The following SGCZ variants were observed in gnomAD, a reference collection of about 807,000 sequenced individuals.
SGCZ encodes zeta-sarcoglycan.
In SGCZ, 40 loss-of-function variants were observed where a neutral mutation model predicts 41.3. The observed-to-expected ratio is 0.97, with a 90% CI of 0.75 to 1.26. The LOEUF is 1.26. SGCZ is among the 50% of genes most tolerant of loss of function. The probability of loss-of-function intolerance (pLI) is 0.00; values close to 1 mark genes in which losing one functional copy is unlikely to be tolerated. For missense variants in SGCZ, 552 were observed against 369.8 expected (o/e 1.49, Z -4.04); for synonymous variants, 206 against 137.5 (o/e 1.50, Z -3.49).
chr8:14,268,155 A>G (rs2117255391), intron 3 of SGCZ, among the ~76,000 whole-genome samples: 1 of 150,368 alleles, frequency 6.7e-6, no homozygotes, highest in Admixed American at 6.7e-5. Context: ...ATATAGTGAG[A>G]AAAACAGAAA....
At chr8:14,660,589 AAGAG>A (rs1554475184) in intron 1 of SGCZ, among the ~76,000 whole-genome samples, 1 of 150,996 alleles carries the variant, frequency 6.6e-6, no homozygotes, top group Non-Finnish European at 1.5e-5. Flanking sequence ...AAAAAAAAAA[AAGAG>A]AGAAAAGAAA....
chr8:14,354,413 T>C (rs1265643061), intron 2 of SGCZ, among the ~76,000 whole-genome samples: 1 of 151,896 alleles, frequency 6.6e-6, no homozygotes, highest in Non-Finnish European at 1.5e-5. Context: ...TCGATGTGAA[T>C]ATAGTAAGAT....
chr8:14,656,841 A>T (rs1382913500), intron 1 of SGCZ, among the ~76,000 whole-genome samples: 1 of 152,028 alleles, frequency 6.6e-6, no homozygotes, highest in Non-Finnish European at 1.5e-5. Flanking sequence ...CAGCAAAGAA[A>T]TATGACTTAC....
chr8:14,463,047 T>A (rs1800947519), intron 2 of SGCZ, among the ~76,000 whole-genome samples: 1 of 151,936 alleles, frequency 6.6e-6, no homozygotes, highest in Non-Finnish European at 1.5e-5. Flanking sequence ...TTCTGCTACT[T>A]TGCTGAATAG....
intron 4 of SGCZ, among the ~76,000 whole-genome samples, chr8:14,192,821 T>G (rs1805146812): frequency 6.6e-6 from 1 of 152,088 alleles, no homozygotes; most frequent in Admixed American, 6.6e-5. Flanking sequence ...AAAATTAAAT[T>G]ATTATGGAGA....
intron 2 of SGCZ, among the ~76,000 whole-genome samples, chr8:14,550,543 ACTG>A (rs1429363979): frequency 2.0e-5 from 3 of 151,926 alleles, no homozygotes; most frequent in South Asian, 2.1e-4. Flanking sequence ...TGGCTGTACT[ACTG>A]CTATGTGTGG....
chr8:14,210,895 G>A (rs1433240363), intron 4 of SGCZ, among the ~76,000 whole-genome samples: 3 of 152,036 alleles, frequency 2.0e-5, no homozygotes, highest in African/African-American at 4.8e-5. Flanking sequence ...TAATCATAAC[G>A]GCTTTTACTG....
intron 1 of SGCZ, among the ~76,000 whole-genome samples, chr8:15,209,165 A>G (rs1298016910): frequency 1.3e-5 from 2 of 152,120 alleles, no homozygotes. Context: ...AGCACCTTTT[A>G]GAGCAATAAT....
chr8:14,243,112 A>G (rs1160095553), intron 3 of SGCZ, among the ~76,000 whole-genome samples: 1 of 152,234 alleles, frequency 6.6e-6, no homozygotes, highest in Non-Finnish European at 1.5e-5. Flanking sequence ...ATCTGCCTAC[A>G]CATTTTAGAA....
intron 1 of SGCZ, among the ~76,000 whole-genome samples, chr8:15,089,181 A>G (rs889354896): frequency 2.0e-5 from 3 of 152,170 alleles, no homozygotes; most frequent in African/African-American, 7.2e-5. Context: ...TGGATATACT[A>G]TAGTCTAATG....
In SGCZ at chr8:14,881,366, G is replaced by A. The variant is rs190423790; in HGVS notation, c.40-326440C>T. On this transcript the variant is annotated intron_variant, in intron 1 of 7. Coordinates refer to ENST00000382080, the MANE Select transcript of SGCZ (RefSeq NM_139167.4). ...CCTAACCTGAATCCCACTCCATTTC[G>A]ACCCCCATACACCATGTCGGTGGTT... is the stretch of plus-strand genomic sequence containing the variant. Among the ~76,000 whole-genome samples, 600 of 151,750 alleles carry A rather than the reference G, an allele frequency of 4.0e-3. 4 individuals carry two copies. Among genetic ancestry groups the A allele is most frequent in the African/African-American group, 0.014 (575 of 41,354 alleles).
intron 3 of SGCZ, among the ~76,000 whole-genome samples, chr8:14,292,560 G>C (rs919506770): frequency 6.6e-6 from 1 of 152,044 alleles, no homozygotes; most frequent in African/African-American, 2.4e-5. Context: ...GATGGAAAAG[G>C]CTGCTTTGTG....
intron 1 of SGCZ, among the ~76,000 whole-genome samples, chr8:14,687,850 G>A (rs1468786602): frequency 6.6e-6 from 1 of 152,052 alleles, no homozygotes; most frequent in Non-Finnish European, 1.5e-5. Flanking sequence ...ATCCTCTCCA[G>A]CACCTGTTGT....
At chr8:15,159,275 T>C (rs1288462556) in intron 1 of SGCZ, among the ~76,000 whole-genome samples, 1 of 152,136 alleles carries the variant, frequency 6.6e-6, no homozygotes, top group Non-Finnish European at 1.5e-5. Context: ...ACCACCACAA[T>C]TACTGCCTTA....
intron 1 of SGCZ, among the ~76,000 whole-genome samples, chr8:15,232,267 C>T (rs528749449): frequency 3.5e-4 from 54 of 152,230 alleles, no homozygotes; most frequent in African/African-American, 1.3e-3. Context: ...TATCTTATAG[C>T]AGTAAGCCAT....
intron 1 of SGCZ, among the ~76,000 whole-genome samples, chr8:14,991,523 G>A (rs1046650167): frequency 6.6e-5 from 10 of 152,114 alleles, no homozygotes; most frequent in Non-Finnish European, 1.2e-4. Context: ...CAACTTTCAT[G>A]TCATCTGGCC....
intron 3 of SGCZ, among the ~76,000 whole-genome samples, chr8:14,241,370 T>C (rs1798879277): frequency 6.7e-6 from 1 of 150,354 alleles, no homozygotes; most frequent in Admixed American, 6.6e-5. Flanking sequence ...AGTAAGAAAG[T>C]AGTTAATATA....
chr8:14,255,829 A>G (rs906053443), intron 3 of SGCZ, among the ~76,000 whole-genome samples: 22 of 152,082 alleles, frequency 1.4e-4, no homozygotes, highest in Non-Finnish European at 2.8e-4. Context: ...TAATTATTGA[A>G]CAGATTTTGA....
intron 1 of SGCZ, among the ~76,000 whole-genome samples, chr8:14,970,154 T>C (rs1801243842): frequency 6.6e-6 from 1 of 152,160 alleles, no homozygotes; most frequent in African/African-American, 2.4e-5. Context: ...GTTGAGCATC[T>C]TTCCATAAGC....
Sources: allele counts gnomAD v4.1 joint callset (sites outside exome capture counted in the v4.1 genomes callset), GRCh38; gene constraint gnomAD v4.1.1; transcripts MANE v1.5; gene names NCBI Gene and HGNC (gene_info 2026-07-23, HGNC 2026-07-21).